The following TGFB2 variants were observed in gnomAD, a reference collection of about 807,000 sequenced individuals.
TGFB2 encodes the protein transforming growth factor beta 2, also known as transforming growth factor beta-2 proprotein.
A neutral mutation model predicts 42.7 loss-of-function variants in TGFB2; 13 were observed. The ratio of observed to expected loss-of-function variants is 0.30; its 90% CI spans 0.20 to 0.48. The LOEUF (loss-of-function observed/expected upper bound fraction) is 0.48, where lower values mean the gene tolerates loss of function less well. Among genes scored for constraint, TGFB2 ranks in the 20% least tolerant of loss-of-function variants. The pLI is 0.99. For missense variants in TGFB2, 390 were observed against 517.5 expected, an observed-to-expected ratio of 0.75 and a Z score of 2.39; for synonymous variants, 193 against 193.6, an observed-to-expected ratio of 1.00 and a Z score of 0.03.
chr1:218,386,405 G>A (rs1442393511), intron 1 of TGFB2, among the ~76,000 whole-genome samples: 1 of 152,174 alleles, frequency 6.6e-6, no homozygotes, highest in African/African-American at 2.4e-5. Context: ...TTATGTCGAA[G>A]AAAGCCCTTT....
Position 218,434,383 on chromosome 1 carries a change from C to T in TGFB2, c.689C>T (p.Thr230Ile). 1 of 1,613,980 alleles carries T rather than the reference C, an allele frequency of 6.2e-7. No individual in the cohort carries two copies. Among genetic ancestry groups the T allele is most frequent in the Non-Finnish European group, 8.5e-7 (1 of 1,179,966 alleles). Residue 230 changes from threonine (T) to isoleucine (I), a missense_variant, in exon 4 of 7, where the codon ACT (threonine) becomes ATT (isoleucine). Thr to Ile is a moderately conservative substitution (Grantham distance 89). Transcript: ENST00000366930. ...FKISLHCPCC[T>I]FVPSNNYIIP... ...ATAAGCTTACACTGTCCCTGCTGCA[C>T]TTTTGTACCATCTAATAATTACATC...
At chr1:218,423,193 C>T (rs1659512407) in intron 2 of TGFB2, among the ~76,000 whole-genome samples, 1 of 152,130 alleles carries the variant, frequency 6.6e-6, no homozygotes, top group Non-Finnish European at 1.5e-5. Context: ...CCTAGAGAGT[C>T]AGATTTCTCC....
At chr1:218,378,251 A>G (rs1359940975) in intron 1 of TGFB2, among the ~76,000 whole-genome samples, 1 of 152,140 alleles carries the variant, frequency 6.6e-6, no homozygotes, top group Non-Finnish European at 1.5e-5. Context: ...ATCTTAGCTC[A>G]CTGCAACCTC....
chr1:218,402,500 T>C (rs1658757629), intron 1 of TGFB2, among the ~76,000 whole-genome samples: 2 of 151,534 alleles, frequency 1.3e-5, no homozygotes, highest in African/African-American at 4.8e-5. Context: ...GAGGCAGCCA[T>C]AAAAAGAAAA....
chr1:218,419,592 A>G (rs1309774987), intron 2 of TGFB2, among the ~76,000 whole-genome samples: 2 of 152,194 alleles, frequency 1.3e-5, no homozygotes, highest in African/African-American at 4.8e-5. Context: ...TTTTTAATGA[A>G]TTTAACTAAA....
intron 2 of TGFB2, among the ~76,000 whole-genome samples, chr1:218,424,213 G>T (rs1290851690): frequency 6.6e-6 from 1 of 152,194 alleles, no homozygotes; most frequent in Non-Finnish European, 1.5e-5. Context: ...TTGGCCTTAT[G>T]ATTTTAACAT....
intron 1 of TGFB2, among the ~76,000 whole-genome samples, chr1:218,367,648 A>G (rs1657429287): frequency 6.6e-6 from 1 of 152,224 alleles, no homozygotes; most frequent in Non-Finnish European, 1.5e-5. Context: ...TGTGAGAAGA[A>G]TGACTTGATA....
intron 1 of TGFB2, among the ~76,000 whole-genome samples, chr1:218,362,430 A>C (rs1241467853): frequency 6.6e-6 from 1 of 152,172 alleles, no homozygotes; most frequent in Admixed American, 6.5e-5. Flanking sequence ...AGTCTGTTTT[A>C]AATATATCAT....
intron 1 of TGFB2, among the ~76,000 whole-genome samples, chr1:218,357,339 C>T (rs577032260): frequency 7.2e-5 from 11 of 152,108 alleles, no homozygotes; most frequent in Non-Finnish European, 1.5e-4. Context: ...GGAAGCCACA[C>T]TAAGGCCTTG....
chr1:218,438,570 C>T (rs780462630), intron 6 of TGFB2, among the ~76,000 whole-genome samples: 4 of 151,732 alleles, frequency 2.6e-5, no homozygotes, highest in Admixed American at 2.0e-4. Flanking sequence ...CTTGAAAATT[C>T]GTTTCTCTAC....
chr1:218,384,071 G>T (rs970445738), intron 1 of TGFB2, among the ~76,000 whole-genome samples: 6 of 151,810 alleles, frequency 4.0e-5, no homozygotes, highest in East Asian at 1.9e-4. Flanking sequence ...ATAATATAAG[G>T]TCACAGATAT....
chr1:218,391,217 T>G (rs1658306704), intron 1 of TGFB2, among the ~76,000 whole-genome samples: 1 of 152,156 alleles, frequency 6.6e-6, no homozygotes, highest in South Asian at 2.1e-4. Context: ...CACTGGCCAT[T>G]TTCCTTGATG....
At chr1:218,386,497 A>G (rs1317795187) in intron 1 of TGFB2, among the ~76,000 whole-genome samples, 1 of 152,232 alleles carries the variant, frequency 6.6e-6, no homozygotes, top group Non-Finnish European at 1.5e-5. Context: ...AAGTAATCTA[A>G]TGGGCCAACA....
rs1218609815 is a variant in TGFB2, at chr1:218,441,292, A to G, written c.1175A>G (p.Tyr392Cys). ...SQDLEPLTIL[Y>C]YIGKTPKIEQ... The stretch of plus-strand genomic sequence containing the variant: ...GATTTAGAACCTCTAACCATTCTCT[A>G]CTACATTGGCAAAACACCCAAGATT... Residue 392 changes from tyrosine to cysteine, a missense_variant, in exon 7 of 7, where the codon TAC becomes TGC. Tyr to Cys is a radical substitution (Grantham distance 194, BLOSUM62 -2). Transcript: ENST00000366930. The G allele has an allele frequency of 1.2e-6, 2 of 1,613,756 alleles. No individual in the cohort carries two copies. The highest frequency in any genetic ancestry group is 1.7e-5 in the Admixed American group (1 of 59,932).
At position 218,436,109 on chromosome 1, in the gene TGFB2, G is replaced by A. The variant is rs1480905475; in HGVS notation, c.894G>A (p.Arg298=). Reference sequence around the variant, plus strand: ...GACTTGAGTCACAACAGACCAACCGGCGGAAGAAGCGTGCTTTGGATGCGG... The same window carrying A: ...GACTTGAGTCACAACAGACCAACCGACGGAAGAAGCGTGCTTTGGATGCGG... ...SYRLESQQTN[R]RKKRALDAAY... The change falls in exon 5 of 7, where the codon CGG becomes CGA. Residue 298 remains arginine, a synonymous_variant. Transcript: ENST00000366930. 1.2e-6 allele frequency: 2 copies of A among 1,613,652 alleles called. No individual in the cohort carries two copies. Among genetic ancestry groups the A allele is most frequent in the African/African-American group, 1.3e-5 (1 of 74,904 alleles).
intron 2 of TGFB2, among the ~76,000 whole-genome samples, chr1:218,415,028 T>C (rs1477618595): frequency 6.6e-6 from 1 of 152,142 alleles, no homozygotes; most frequent in African/African-American, 2.4e-5. Flanking sequence ...GTGCAAGGCA[T>C]AGCTTTGGTC....
chr1:218,351,387 A>G (rs987535646), intron 1 of TGFB2, among the ~76,000 whole-genome samples: 1 of 152,224 alleles, frequency 6.6e-6, no homozygotes. Context: ...AGAATGATTG[A>G]GTTATTAATA....
At chr1:218,437,553 A>G (rs1660012346) in intron 6 of TGFB2, 57 bp downstream of exon 6, 2 of 1,516,446 alleles carry the variant, frequency 1.3e-6, no homozygotes, top group Admixed American at 2.1e-5. Flanking sequence ...GCACCTGCTG[A>G]TAGTATTTCC....
At position 218,368,724 on chromosome 1, in the gene TGFB2, GA is replaced by G. The variant is rs141191855; in HGVS notation, c.346+21678del. 4.2e-3 allele frequency among the ~76,000 whole-genome samples: 636 copies of G among 152,260 alleles called. 3 individuals carry two copies. Among genetic ancestry groups the G allele is most frequent in the African/African-American group, 0.014 (587 of 41,544 alleles). ...AAGCAGACACTTGAAGGATGTTAGA[GA>G]GTAATCTGGGACTACCTGGGGAAGG... On this transcript the variant is annotated intron_variant, in intron 1 of 6. Transcript: ENST00000366930.
Sources: gnomAD v4.1 joint callset for allele counts (sites outside exome capture counted in the v4.1 genomes callset) on GRCh38, gnomAD v4.1.1 for gene constraint, MANE v1.5 for transcripts, NCBI Gene and HGNC (gene_info 2026-07-23, HGNC 2026-07-21) for gene names.